AMPH: variants seen among roughly 807,000 people sequenced by gnomAD.
AMPH encodes amphiphysin (Stiff-Mann syndrome with breast cancer 128kD autoantigen).
A neutral mutation model predicts 99.1 loss-of-function variants in AMPH; 49 were observed. The observed-to-expected ratio is 0.49, with a 90% CI of 0.39 to 0.63. The LOEUF is 0.63. Ranked by LOEUF, AMPH falls within the 20% of genes least tolerant of loss-of-function variation. The pLI is 0.00. For missense variants in AMPH, 759 were observed against 863.4 expected (o/e 0.88, Z 1.52); for synonymous variants, 314 against 317.3 (o/e 0.99, Z 0.11).
chr7:38,477,167 A>G (rs751221317), intron 5 of AMPH, among the ~76,000 whole-genome samples, 198 bp from the exon 6 acceptor site: 9 of 152,002 alleles, frequency 5.9e-5, no homozygotes, highest in Non-Finnish European at 1.2e-4. Flanking sequence ...TGAAGCCATT[A>G]GATAAATATC....
intron 17 of AMPH, among the ~76,000 whole-genome samples, chr7:38,407,070 ATATATATGTGTG>A (rs1381804804): frequency 3.3e-5 from 1 of 30,276 alleles, no homozygotes; most frequent in African/African-American, 1.1e-4. Flanking sequence ...ATATATATAT[ATATATATGTGTG>A]TGTGTGTGTG....
intron 11 of AMPH, among the ~76,000 whole-genome samples, chr7:38,456,056 G>A (rs770137051): frequency 1.1e-4 from 17 of 152,168 alleles, no homozygotes; most frequent in Non-Finnish European, 2.2e-4. Flanking sequence ...TGCAGTGGGT[G>A]CCATTCTGAA....
At chr7:38,622,542 A>T (rs1794109579) in intron 1 of AMPH, among the ~76,000 whole-genome samples, 1 of 152,130 alleles carries the variant, frequency 6.6e-6, no homozygotes, top group African/African-American at 2.4e-5. Context: ...ACAGGAATGG[A>T]TACCAGAGGT....
At chr7:38,399,243 AT>A (rs1488296920) in intron 17 of AMPH, among the ~76,000 whole-genome samples, 1 of 152,176 alleles carries the variant, frequency 6.6e-6, no homozygotes, top group Non-Finnish European at 1.5e-5. Context: ...TACCACGTTG[AT>A]TTTACAGGGC....
intron 11 of AMPH, among the ~76,000 whole-genome samples, chr7:38,445,126 T>C (rs1266619054): frequency 6.8e-6 from 1 of 146,810 alleles, no homozygotes; most frequent in Non-Finnish European, 1.5e-5. Flanking sequence ...TAATTGGTTG[T>C]CTGATTTTCC....
intron 17 of AMPH, among the ~76,000 whole-genome samples, chr7:38,410,973 G>A (rs1250751235): frequency 6.6e-6 from 1 of 152,110 alleles, no homozygotes; most frequent in African/African-American, 2.4e-5. Context: ...TGACCCTAAC[G>A]GCTTTAGTTA....
chr7:38,525,244 TTGTG>T (rs757918305), intron 2 of AMPH, among the ~76,000 whole-genome samples: 2 of 122,834 alleles, frequency 1.6e-5, no homozygotes, highest in East Asian at 2.4e-4. Context: ...ATATATGTAG[TTGTG>T]TGTGTGTGTG....
intron 9 of AMPH, among the ~76,000 whole-genome samples, chr7:38,464,342 C>G (rs1042056842): frequency 6.6e-6 from 1 of 152,178 alleles, no homozygotes; most frequent in Non-Finnish European, 1.5e-5. Context: ...AATAACCATA[C>G]TGAAAACAGT....
At chr7:38,554,084 C>T (rs1791279542) in intron 1 of AMPH, among the ~76,000 whole-genome samples, 1 of 152,230 alleles carries the variant, frequency 6.6e-6, no homozygotes, top group Non-Finnish European at 1.5e-5. Flanking sequence ...TCCAATTCCC[C>T]TGCCTGGCTG....
chr7:38,544,539 G>A lies in AMPH; in HGVS notation c.70-9528C>T, dbSNP rs112748722. Among the ~76,000 whole-genome samples the A allele has an allele frequency of 3.9e-3, 594 of 152,304 alleles. 6 individuals carry two copies. The highest frequency in any genetic ancestry group is 0.027 in the Middle Eastern group (8 of 294). ...ATACGGCTGTGCCTTTTATCAGGAT[G>A]GGAGGAAGGGTCTCCTGGTTTCTGT... On this transcript the variant is annotated intron_variant, in intron 1 of 20. Transcript: ENST00000356264.
chr7:38,588,241 C>T (rs1207099189), intron 1 of AMPH, among the ~76,000 whole-genome samples: 5 of 152,026 alleles, frequency 3.3e-5, no homozygotes, highest in African/African-American at 1.2e-4. Flanking sequence ...GCGTGAGCTA[C>T]CACGCCTGGC....
At chr7:38,478,020 G>A (rs1788149859) in intron 5 of AMPH, among the ~76,000 whole-genome samples, 1 of 151,902 alleles carries the variant, frequency 6.6e-6, no homozygotes, top group Admixed American at 6.6e-5. Flanking sequence ...CCACAGATAT[G>A]AGGCTGACTT....
chr7:38,522,566 G>A (rs1247735844), intron 2 of AMPH, among the ~76,000 whole-genome samples: 19 of 152,040 alleles, frequency 1.2e-4, no homozygotes, highest in Admixed American at 1.2e-3. Flanking sequence ...GTGCTAAGCG[G>A]GCAGAGATTC....
chr7:38,432,573 T>C (rs1786074107), intron 12 of AMPH, among the ~76,000 whole-genome samples: 1 of 143,450 alleles, frequency 7.0e-6, no homozygotes, highest in Non-Finnish European at 1.5e-5. Context: ...GAAACACAAA[T>C]GAGGTTATTT....
At chr7:38,391,314 T>A (rs2128974288) in intron 19 of AMPH, among the ~76,000 whole-genome samples, 1 of 152,302 alleles carries the variant, frequency 6.6e-6, no homozygotes, top group East Asian at 1.9e-4. Context: ...TACCAAATAT[T>A]TATGGGCTCC....
At chr7:38,490,564 C>A (rs75082143) in intron 5 of AMPH, among the ~76,000 whole-genome samples, 3,937 of 152,192 alleles carry the variant, frequency 0.026, 75 homozygotes, top group Admixed American at 0.054. Flanking sequence ...ACTTTAACTT[C>A]AACCTGAAAA....
At chr7:38,426,696 C>T (rs1209803025) in intron 15 of AMPH, among the ~76,000 whole-genome samples, 1 of 152,180 alleles carries the variant, frequency 6.6e-6, no homozygotes, top group Non-Finnish European at 1.5e-5. Flanking sequence ...AAAAGCTAAA[C>T]TAAAGTCAGG....
intron 2 of AMPH, among the ~76,000 whole-genome samples, chr7:38,518,115 A>G (rs1333130217): frequency 6.6e-6 from 1 of 152,220 alleles, no homozygotes; most frequent in Non-Finnish European, 1.5e-5. Flanking sequence ...AGCTCAACCC[A>G]CTGCTCCACA....
intron 1 of AMPH, among the ~76,000 whole-genome samples, chr7:38,570,559 G>T (rs1791906437): frequency 6.6e-6 from 1 of 152,064 alleles, no homozygotes; most frequent in African/African-American, 2.4e-5. Context: ...GATGCTGGTG[G>T]AAACAAACCT....
Sources: gnomAD v4.1 joint callset for allele counts (sites outside exome capture counted in the v4.1 genomes callset) on GRCh38, gnomAD v4.1.1 for gene constraint, MANE v1.5 for transcripts, NCBI Gene and HGNC (gene_info 2026-07-23, HGNC 2026-07-21) for gene names.